The following HSP90AA1 variants were observed in gnomAD, a reference collection of about 807,000 sequenced individuals.
The protein encoded by HSP90AA1 is heat shock protein 90 alpha family class A member 1.
HSP90AA1 carries 18 observed loss-of-function variants against 73.3 expected under a neutral mutation model. The ratio of observed to expected loss-of-function variants is 0.25; its 90% confidence interval spans 0.17 to 0.36. The LOEUF (loss-of-function observed/expected upper bound fraction) is 0.36, where lower values mean the gene tolerates loss of function less well. Ranked by LOEUF, HSP90AA1 falls within the 10% of genes least tolerant of loss-of-function variation. The probability of loss-of-function intolerance (pLI) is 1.00; values close to 1 mark genes in which losing one functional copy is unlikely to be tolerated. For missense variants in HSP90AA1, 704 were observed against 874.2 expected (o/e 0.81, Z 2.45); for synonymous variants, 477 against 296.9 (o/e 1.61, Z -6.24).
At chr14:102,105,677 A>G (rs2049558366) in intron 1 of HSP90AA1, among the ~76,000 whole-genome samples, 1 of 152,200 alleles carries the variant, frequency 6.6e-6, no homozygotes, top group Non-Finnish European at 1.5e-5. Context: ...TTCTCTGTCC[A>G]CAGGGAAGGT....
At chr14:102,099,306 C>T (rs2049463997) in intron 2 of HSP90AA1, among the ~76,000 whole-genome samples, 1 of 152,062 alleles carries the variant, frequency 6.6e-6, no homozygotes, top group Non-Finnish European at 1.5e-5. Context: ...AGCCTGTAAT[C>T]CCAGCACTTT....
Position 102,081,332 on chromosome 14 carries a change from G to C in HSP90AA1, c.*380C>G, listed in dbSNP as rs1331563005. 3.0e-6 allele frequency: 1 copy of C among 330,774 alleles called. No individual in the cohort carries two copies. Among genetic ancestry groups the C allele is most frequent in the African/African-American group, 2.1e-5 (1 of 47,908 alleles). The allele number at this position is 330,774 out of a possible 1,614,324, so 20.5% of individuals were successfully genotyped here. On this transcript the variant is annotated 3_prime_UTR_variant, in exon 11 of 11. Coordinates refer to ENST00000216281, the MANE Select transcript of HSP90AA1 (RefSeq NM_005348.4). ...GTTCAAAAAGTAGATCCTACAAGAT[G>C]TAACGAATACTTTTCTAAACATCAA...
chr14:102,118,253 C>A (rs1349775994), intron 1 of HSP90AA1, among the ~76,000 whole-genome samples: 1 of 152,162 alleles, frequency 6.6e-6, no homozygotes, highest in Non-Finnish European at 1.5e-5. Flanking sequence ...AAAATGATAA[C>A]CCCTAAGGTC....
chr14:102,131,269 C>G (rs923434548), intron 1 of HSP90AA1, among the ~76,000 whole-genome samples: 1 of 152,122 alleles, frequency 6.6e-6, no homozygotes, highest in Non-Finnish European at 1.5e-5. Context: ...GGAGTCATTC[C>G]TGACTCCTTC....
At chr14:102,087,370 G>T (rs1234993034), upstream of HSP90AA1, among the ~76,000 whole-genome samples, 2 of 151,496 alleles carry the variant, frequency 1.3e-5, no homozygotes, top group East Asian at 3.9e-4. Flanking sequence ...CGCGCCCTCC[G>T]CCCTGCACCC....
chr14:102,084,377 T>C (rs1032931037), intron 6 of HSP90AA1, 22 bp downstream of exon 6: 1 of 1,605,960 alleles, frequency 6.2e-7, no homozygotes, highest in South Asian at 1.1e-5. Context: ...TGACAGTGAT[T>C]ATTTTTCCTA....
intron 3 of HSP90AA1, 32 bp from the exon 4 acceptor site, chr14:102,085,463 A>AATG (rs59997574): frequency 6.3e-7 from 1 of 1,594,888 alleles, no homozygotes; most frequent in Non-Finnish European, 8.6e-7. Flanking sequence ...TTGACTTAAT[A>AATG]CATTCAATTT....
At chr14:102,088,392 G>C (rs997227312), upstream of HSP90AA1, among the ~76,000 whole-genome samples, 1 of 152,210 alleles carries the variant, frequency 6.6e-6, no homozygotes, top group African/African-American at 2.4e-5. Context: ...GCCGTGTAAA[G>C]AAACGATGGA....
intron 10 of HSP90AA1, 119 bp from the exon 11 acceptor site, chr14:102,081,940 C>T (rs1230238078): frequency 3.8e-6 from 3 of 779,862 alleles, no homozygotes; most frequent in Non-Finnish European, 4.6e-6. Context: ...GTCTCAATTT[C>T]ATTTCTTTGC....
At chr14:102,100,504 C>T (rs1394726969) in intron 2 of HSP90AA1, among the ~76,000 whole-genome samples, 1 of 150,226 alleles carries the variant, frequency 6.7e-6, no homozygotes. Flanking sequence ...CAGCTCCCCA[C>T]AACCTCCGCC....
intron 9 of HSP90AA1, 25 bp downstream of exon 9, chr14:102,083,009 A>G (rs772565800): frequency 6.2e-7 from 1 of 1,607,972 alleles, no homozygotes; most frequent in Non-Finnish European, 8.5e-7. Flanking sequence ...AGTATCAATG[A>G]TCAGGAAATG....
chr14:102,126,919 T>C (rs2049846541), intron 1 of HSP90AA1, among the ~76,000 whole-genome samples: 1 of 152,344 alleles, frequency 6.6e-6, no homozygotes, highest in East Asian at 1.9e-4. Flanking sequence ...TGAATCTTAC[T>C]TCCTGCCACA....
chr14:102,102,399 G>C (rs190159075), intron 1 of HSP90AA1, among the ~76,000 whole-genome samples: 1 of 152,260 alleles, frequency 6.6e-6, no homozygotes, highest in East Asian at 1.9e-4. Context: ...GCAAAAACTA[G>C]AACTTAGTTG....
At chr14:102,100,284 AAGGATAGCAGTGTT>A in intron 2 of HSP90AA1, among the ~76,000 whole-genome samples, 2 of 152,270 alleles carry the variant, frequency 1.3e-5, no homozygotes, top group Middle Eastern at 6.8e-3. Context: ...GTTTTTGAGG[AAGGATAGCAGTGTT>A]AGGAGCGTCA....
At chr14:102,103,008 A>G (rs980652991) in intron 1 of HSP90AA1, among the ~76,000 whole-genome samples, 5 of 151,818 alleles carry the variant, frequency 3.3e-5, no homozygotes, top group African/African-American at 9.7e-5. Flanking sequence ...GTAAAACTCC[A>G]TCTCTACTGA....
chr14:102,126,445 A>G (rs1225864852), intron 1 of HSP90AA1, among the ~76,000 whole-genome samples: 1 of 152,230 alleles, frequency 6.6e-6, no homozygotes, highest in Admixed American at 6.5e-5. Flanking sequence ...GGGATTCTTA[A>G]AGCGGAAAAA....
At chr14:102,086,935 C>T (rs2049255979) in intron 1 of HSP90AA1, 51 bp downstream of exon 1, 3 of 944,360 alleles carry the variant, frequency 3.2e-6, no homozygotes, top group Non-Finnish European at 3.8e-6. Flanking sequence ...CCAGCCGCCC[C>T]CAGTCCCGGT....
At chr14:102,135,858 G>C (rs1214644019) in intron 1 of HSP90AA1, among the ~76,000 whole-genome samples, 1 of 152,246 alleles carries the variant, frequency 6.6e-6, no homozygotes, top group Non-Finnish European at 1.5e-5. Flanking sequence ...GCCCGCAAGA[G>C]CCGCACGCAG....
intron 1 of HSP90AA1, among the ~76,000 whole-genome samples, chr14:102,108,263 CAAAAAAA>C (rs34157305): frequency 5.0e-5 from 4 of 79,882 alleles, no homozygotes; most frequent in African/African-American, 1.6e-4. Context: ...ACCTTGTCTC[CAAAAAAA>C]AAAAAAAAAA....
Sources: gnomAD v4.1 joint callset for allele counts (sites outside exome capture counted in the v4.1 genomes callset) on GRCh38, gnomAD v4.1.1 for gene constraint, MANE v1.5 for transcripts, NCBI Gene and HGNC (gene_info 2026-07-23, HGNC 2026-07-21) for gene names.